Variants in PPFIA2 observed in about 807,000 individuals in gnomAD.
PPFIA2 encodes PPFI scaffold protein A2.
In PPFIA2, 46 loss-of-function variants were observed where a neutral mutation model predicts 175.5. The ratio of observed to expected loss-of-function variants is 0.26; its 90% CI spans 0.21 to 0.34. The LOEUF (loss-of-function observed/expected upper bound fraction) is 0.34, where lower values mean the gene tolerates loss of function less well. Among genes scored for constraint, PPFIA2 ranks in the 10% least tolerant of loss-of-function variants. The pLI, the probability that PPFIA2 is intolerant of heterozygous loss-of-function variation, is 1.00. For synonymous variants in PPFIA2, 568 were observed against 511.4 expected (o/e 1.11, Z -1.49); for missense variants, 1,179 against 1,506.1 (o/e 0.78, Z 3.60).
chr12:81,314,681 C>T (rs1285263186), intron 22 of PPFIA2, among the ~76,000 whole-genome samples: 1 of 151,968 alleles, frequency 6.6e-6, no homozygotes, highest in East Asian at 1.9e-4. Flanking sequence ...CTGTTATAAA[C>T]TAGTCAATTC....
intron 3 of PPFIA2, among the ~76,000 whole-genome samples, chr12:81,677,610 T>C (rs2072797067): frequency 6.6e-6 from 1 of 151,964 alleles, no homozygotes; most frequent in African/African-American, 2.4e-5. Context: ...TTTATCTTTT[T>C]GTGCCTGGCT....
At chr12:81,536,974 C>A (rs1236048619) in intron 4 of PPFIA2, among the ~76,000 whole-genome samples, 1 of 150,832 alleles carries the variant, frequency 6.6e-6, no homozygotes, top group African/African-American at 2.4e-5. Flanking sequence ...CGGTTATTGA[C>A]AGGTTTATGG....
intron 4 of PPFIA2, among the ~76,000 whole-genome samples, chr12:81,464,884 GA>G (rs11422177): frequency 7.2e-4 from 105 of 145,600 alleles, no homozygotes; most frequent in South Asian, 6.5e-4. Context: ...AATAGAGCTG[GA>G]AAAAAAAAAA....
At chr12:81,304,847 G>A (rs981252290) in intron 22 of PPFIA2, among the ~76,000 whole-genome samples, 2 of 152,062 alleles carry the variant, frequency 1.3e-5, no homozygotes, top group Non-Finnish European at 2.9e-5. Context: ...AGCCATCAGA[G>A]GGTTTAAGCA....
chr12:81,368,273 G>T, intron 13 of PPFIA2: 2 of 672,582 alleles, frequency 3.0e-6, no homozygotes, highest in Non-Finnish European at 4.6e-6. Context: ...CCTCTACTGG[G>T]ATTGATACTA....
chr12:81,696,718 A>T (rs1247143325), intron 3 of PPFIA2, among the ~76,000 whole-genome samples: 1 of 151,984 alleles, frequency 6.6e-6, no homozygotes, highest in Non-Finnish European at 1.5e-5. Flanking sequence ...CTTTTGATTG[A>T]GCAGTTTATT....
At chr12:81,585,780 G>T (rs2075224078) in intron 4 of PPFIA2, among the ~76,000 whole-genome samples, 1 of 151,728 alleles carries the variant, frequency 6.6e-6, no homozygotes, top group Admixed American at 6.6e-5. Flanking sequence ...TTAAAATATT[G>T]TATAGTAAAT....
At chr12:81,447,714 C>T (rs780295015) in intron 5 of PPFIA2, among the ~76,000 whole-genome samples, 4 of 152,140 alleles carry the variant, frequency 2.6e-5, no homozygotes, top group Non-Finnish European at 4.4e-5. Context: ...ACAGTGTCCG[C>T]CTTAATCCTC....
chr12:81,585,830 GTTA>G (rs781057592), intron 4 of PPFIA2, among the ~76,000 whole-genome samples: 21 of 151,836 alleles, frequency 1.4e-4, no homozygotes, highest in Non-Finnish European at 1.0e-4. Context: ...TCATTATCAA[GTTA>G]TTATGTACTG....
intron 22 of PPFIA2, among the ~76,000 whole-genome samples, chr12:81,300,085 A>C (rs1298003763): frequency 6.6e-6 from 1 of 152,202 alleles, no homozygotes; most frequent in East Asian, 1.9e-4. Flanking sequence ...TTTGATAACA[A>C]AAGATGCAAA....
At chr12:81,339,146 T>C (rs765096719) in intron 21 of PPFIA2, 34 bp downstream of exon 21, 1 of 1,477,174 alleles carries the variant, frequency 6.8e-7, no homozygotes, top group Non-Finnish European at 9.0e-7. Flanking sequence ...CTAAAATGAG[T>C]GGCAGTGGAA....
intron 4 of PPFIA2, among the ~76,000 whole-genome samples, chr12:81,459,434 G>C (rs1236207853): frequency 6.6e-6 from 1 of 151,892 alleles, no homozygotes; most frequent in Non-Finnish European, 1.5e-5. Flanking sequence ...CATTGACTAA[G>C]ATAAAACATA....
At chr12:81,370,119 G>A (rs945799882) in intron 11 of PPFIA2, among the ~76,000 whole-genome samples, 1 of 151,724 alleles carries the variant, frequency 6.6e-6, no homozygotes, top group African/African-American at 2.4e-5. Flanking sequence ...AAAAATAATG[G>A]AAACAGTAGT....
chr12:81,484,699 A>AGCTTT (rs1354713295), intron 4 of PPFIA2, among the ~76,000 whole-genome samples: 10 of 152,088 alleles, frequency 6.6e-5, no homozygotes, highest in African/African-American at 2.4e-4. Context: ...ACTTGATCTC[A>AGCTTT]GCTTTTAAAT....
intron 4 of PPFIA2, among the ~76,000 whole-genome samples, chr12:81,485,536 T>C (rs2058720290): frequency 6.6e-6 from 1 of 151,780 alleles, no homozygotes; most frequent in South Asian, 2.1e-4. Context: ...GTCACCCCTT[T>C]TGTGAATGAA....
intron 22 of PPFIA2, among the ~76,000 whole-genome samples, chr12:81,321,463 G>A (rs2053635217): frequency 1.3e-5 from 2 of 152,100 alleles, no homozygotes; most frequent in Admixed American, 1.3e-4. Flanking sequence ...TAAGCTCATA[G>A]TTCTTGATTC....
At chr12:81,695,323 G>A (rs780766271) in intron 3 of PPFIA2, among the ~76,000 whole-genome samples, 1 of 152,118 alleles carries the variant, frequency 6.6e-6, no homozygotes, top group Non-Finnish European at 1.5e-5. Flanking sequence ...AAGGTGTCTG[G>A]ATCATAGGAG....
At chr12:81,397,402 G>A (rs1566644102) in intron 8 of PPFIA2, among the ~76,000 whole-genome samples, 6 of 151,956 alleles carry the variant, frequency 3.9e-5, no homozygotes, top group Admixed American at 3.9e-4. Context: ...GTAAGTAAGA[G>A]GAAAACAATG....
intron 9 of PPFIA2, among the ~76,000 whole-genome samples, chr12:81,377,051 T>C (rs2036533143): frequency 6.6e-6 from 1 of 152,080 alleles, no homozygotes; most frequent in Non-Finnish European, 1.5e-5. Context: ...TCTAATATAA[T>C]AGCAAGACAT....
Sources: gnomAD v4.1 joint callset for allele counts (sites outside exome capture counted in the v4.1 genomes callset) on GRCh38, gnomAD v4.1.1 for gene constraint, MANE v1.5 for transcripts, NCBI Gene and HGNC (gene_info 2026-07-23, HGNC 2026-07-21) for gene names.